Variants in SPAG17 observed in about 807,000 individuals in gnomAD.
The protein encoded by SPAG17 is sperm-associated antigen 17.
In SPAG17, 169 loss-of-function variants were observed where a neutral mutation model predicts 273.6. The ratio of observed to expected loss-of-function variants is 0.62; its 90% CI spans 0.55 to 0.70. The LOEUF is 0.70. Among genes scored for constraint, SPAG17 ranks in the 30% least tolerant of loss-of-function variants. The pLI is 0.00. For synonymous variants in SPAG17, 825 were observed against 873.2 expected (o/e 0.94, Z 0.97); for missense variants, 2,557 against 2,627.8 (o/e 0.97, Z 0.59).
In SPAG17 at chr1:117,992,544, A is replaced by G. The variant is rs1271566200; in HGVS notation, c.5283T>C (p.Ser1761=). The G allele has an allele frequency of 3.1e-6, 5 of 1,613,802 alleles. No individual in the cohort carries two copies. The highest frequency in any genetic ancestry group is 4.2e-6 in the Non-Finnish European group (5 of 1,179,864). Residue 1761 remains serine (S), a synonymous_variant, in exon 36 of 49, where the codon AGT becomes AGC. Transcript: ENST00000336338. ...GAATGAATTGGCGCATCTGTAGCACACTGGGGCTCTTGAGTATGGCACCCG... is the reference window on the plus strand; with the variant it reads ...GAATGAATTGGCGCATCTGTAGCACGCTGGGGCTCTTGAGTATGGCACCCG... ...SAPGAILKSP[S]VLQMRQFIQH...
At chr1:118,165,760 T>C (rs1052249436) in intron 1 of SPAG17, among the ~76,000 whole-genome samples, 3 of 150,266 alleles carry the variant, frequency 2.0e-5, no homozygotes, top group South Asian at 2.1e-4. Flanking sequence ...ATTCTCCTGC[T>C]TCAGCCTCCC....
intron 40 of SPAG17, 98 bp from the exon 41 acceptor site, chr1:117,984,880 A>C: frequency 1.4e-6 from 1 of 725,214 alleles, no homozygotes; most frequent in Non-Finnish European, 2.4e-6. Flanking sequence ...AAATGAATGC[A>C]ATCACTAACA....
intron 1 of SPAG17, among the ~76,000 whole-genome samples, chr1:118,157,676 G>A (rs995908646): frequency 5.9e-5 from 9 of 152,148 alleles, no homozygotes; most frequent in African/African-American, 2.2e-4. Context: ...GCCTGGGTTC[G>A]ATTCACTGAG....
chr1:118,150,148 A>C (rs1659292510), intron 3 of SPAG17, among the ~76,000 whole-genome samples: 1 of 152,182 alleles, frequency 6.6e-6, no homozygotes, highest in Non-Finnish European at 1.5e-5. Context: ...GCGCATTTTT[A>C]CATTGTTTTT....
At chr1:117,996,326 T>C (rs1245250048) in intron 34 of SPAG17, 44 bp downstream of exon 34, 2 of 1,553,978 alleles carry the variant, frequency 1.3e-6, no homozygotes, top group African/African-American at 1.4e-5. Context: ...GGATGAGAAT[T>C]GGCAAAGAGA....
At chr1:117,956,175 A>T (rs907335646) in intron 48 of SPAG17, among the ~76,000 whole-genome samples, 1 of 152,068 alleles carries the variant, frequency 6.6e-6, no homozygotes. Flanking sequence ...GTATTATTTT[A>T]CTGGTTTTTA....
chr1:118,023,185 T>A, intron 28 of SPAG17, 119 bp downstream of exon 28: 1 of 638,132 alleles, frequency 1.6e-6, no homozygotes, highest in Non-Finnish European at 2.4e-6. Flanking sequence ...TGTATAAGAA[T>A]ATATAAATAT....
chr1:118,065,518 T>C (rs1156960499), intron 18 of SPAG17, among the ~76,000 whole-genome samples: 1 of 152,160 alleles, frequency 6.6e-6, no homozygotes, highest in Non-Finnish European at 1.5e-5. Flanking sequence ...GGAAAAATTA[T>C]AGCTGAATCT....
chr1:118,183,859 A>G, intron 1 of SPAG17, among the ~76,000 whole-genome samples: 1 of 152,216 alleles, frequency 6.6e-6, no homozygotes, highest in East Asian at 1.9e-4. Context: ...GCTGACTTAT[A>G]AAAGCAAAAG....
chr1:118,073,917 T>G lies in SPAG17; in HGVS notation c.2322A>C (p.Thr774=). The change falls in exon 17 of 49, where the codon ACA becomes ACC. Residue 774 remains threonine, a synonymous_variant. Transcript: ENST00000336338. ...TCCAGTCCATTAGACTGCGCTGCTG[T>G]GTTTTCTTTATGTCCTCTAAATCTG... is the stretch of plus-strand genomic sequence containing the variant. ...VEADLEDIKK[T]QQRSLMDWSF... is the part of the protein sequence containing the mutation. 1 of 1,575,180 alleles carries G rather than the reference T, an allele frequency of 6.3e-7. No individual in the cohort carries two copies. Among genetic ancestry groups the G allele is most frequent in the Non-Finnish European group, 8.6e-7 (1 of 1,167,354 alleles).
At chr1:117,971,694 T>C (rs924887233) in intron 45 of SPAG17, 169 bp downstream of exon 45, 14 of 500,372 alleles carry the variant, frequency 2.8e-5, no homozygotes, top group Middle Eastern at 1.0e-3. Flanking sequence ...CACTGATTTG[T>C]TGATGAATGA....
intron 3 of SPAG17, among the ~76,000 whole-genome samples, chr1:118,123,481 T>G (rs1266516812): frequency 6.6e-6 from 1 of 152,176 alleles, no homozygotes; most frequent in Non-Finnish European, 1.5e-5. Context: ...TACATAAATT[T>G]AAAGGTGACT....
intron 1 of SPAG17, among the ~76,000 whole-genome samples, chr1:118,173,275 T>C (rs1176887664): frequency 1.3e-5 from 2 of 152,200 alleles, no homozygotes; most frequent in African/African-American, 2.4e-5. Context: ...CCTTGCTTCA[T>C]GTCCTCCCTG....
At chr1:118,041,714 G>A in intron 21 of SPAG17, 89 bp downstream of exon 21, 2 of 1,515,754 alleles carry the variant, frequency 1.3e-6, no homozygotes, top group South Asian at 1.3e-5. Context: ...GTGGGGTAGT[G>A]AAAACAAAAG....
chr1:118,151,393 G>T (rs758320248), intron 1 of SPAG17, 24 bp from the exon 2 acceptor site: 3 of 1,606,204 alleles, frequency 1.9e-6, no homozygotes, highest in Non-Finnish European at 2.6e-6. Flanking sequence ...GACGGAATTA[G>T]ATTTTAAATA....
chr1:117,956,864 C>T (rs1652275092), intron 48 of SPAG17, among the ~76,000 whole-genome samples: 1 of 151,914 alleles, frequency 6.6e-6, no homozygotes. Flanking sequence ...ATGCCATTGA[C>T]CAAAATGCAT....
Position 117,996,361 on chromosome 1 carries a change from G to A in SPAG17, c.5053+9C>T. The A allele has an allele frequency of 6.2e-7, 1 of 1,609,892 alleles. No homozygotes were observed. The highest frequency in any genetic ancestry group is 8.5e-7 in the Non-Finnish European group (1 of 1,177,830). On this transcript the variant is annotated intron_variant, in intron 34 of 48. Transcript: ENST00000336338. ...ACACCGTGCATTCCAGACAGTATGG[G>A]TCCTCTACCTGGCTGTTCCTGCACT...
chr1:118,126,523 A>G (rs1260448924), intron 3 of SPAG17, among the ~76,000 whole-genome samples: 3 of 151,374 alleles, frequency 2.0e-5, no homozygotes, highest in African/African-American at 7.3e-5. Flanking sequence ...TCCTTTATCC[A>G]TTTTTTAATT....
Position 118,151,910 on chromosome 1 carries a change from G to A in SPAG17, c.88-541C>T, listed in dbSNP as rs75485406. Among the ~76,000 whole-genome samples the A allele has an allele frequency of 9.1e-4, 139 of 152,058 alleles. 1 individual carries two copies. In the East Asian group the frequency reaches 0.022, roughly 24 times the overall value. On this transcript the variant is annotated intron_variant, in intron 1 of 48. Transcript: ENST00000336338. ...CTGCTAATTACACTCCCAAGAAATG[G>A]GCAAAAATATTACACTTGGACATGA...
Sources: gnomAD v4.1 joint callset for allele counts (sites outside exome capture counted in the v4.1 genomes callset) on GRCh38, gnomAD v4.1.1 for gene constraint, MANE v1.5 for transcripts, NCBI Gene and HGNC (gene_info 2026-07-23, HGNC 2026-07-21) for gene names.